Variants in LUZP2 observed in about 807,000 individuals in gnomAD.
LUZP2 encodes leucine zipper protein 2.
A neutral mutation model predicts 51.6 loss-of-function variants in LUZP2; 52 were observed. That is an observed-to-expected ratio of 1.01 (90% confidence interval 0.81 to 1.27). The LOEUF is 1.27. Ranked by LOEUF, LUZP2 falls within the 50% of genes most tolerant of loss-of-function variation. The probability of loss-of-function intolerance (pLI) is 0.00; values close to 1 mark genes in which losing one functional copy is unlikely to be tolerated. For missense variants in LUZP2, 436 were observed against 395.4 expected (o/e 1.10, Z -0.87); for synonymous variants, 154 against 137.3 (o/e 1.12, Z -0.85).
At chr11:24,928,158 T>C (rs1854335015) in intron 7 of LUZP2, among the ~76,000 whole-genome samples, 1 of 151,718 alleles carries the variant, frequency 6.6e-6, no homozygotes, top group Non-Finnish European at 1.5e-5. Flanking sequence ...TTAGGGTTTT[T>C]TATAAAATCA....
At chr11:24,840,805 A>T (rs1165765675) in intron 5 of LUZP2, among the ~76,000 whole-genome samples, 1 of 151,968 alleles carries the variant, frequency 6.6e-6, no homozygotes, top group African/African-American at 2.4e-5. Context: ...GCCTCATTTG[A>T]TGTTCTTTTA....
chr11:24,595,451 C>A (rs1853410163), intron 1 of LUZP2, among the ~76,000 whole-genome samples: 1 of 152,120 alleles, frequency 6.6e-6, no homozygotes, highest in Admixed American at 6.6e-5. Flanking sequence ...CAAATTCATT[C>A]TCTTCGGGGG....
intron 1 of LUZP2, among the ~76,000 whole-genome samples, chr11:24,549,580 C>T (rs1177927623): frequency 6.6e-6 from 1 of 151,914 alleles, no homozygotes; most frequent in Non-Finnish European, 1.5e-5. Context: ...TTTATACAAG[C>T]GGAAGCAAGT....
At chr11:24,918,648 A>T (rs1853883700) in intron 7 of LUZP2, among the ~76,000 whole-genome samples, 2 of 151,316 alleles carry the variant, frequency 1.3e-5, no homozygotes, top group South Asian at 2.1e-4. Context: ...TAAAAAAAAA[A>T]TCCTAAATAT....
intron 1 of LUZP2, among the ~76,000 whole-genome samples, chr11:24,676,309 G>T (rs966466943): frequency 3.3e-5 from 5 of 152,112 alleles, no homozygotes; most frequent in Non-Finnish European, 5.9e-5. Flanking sequence ...TGACTCCATT[G>T]ATGTAGCTTC....
In LUZP2 at chr11:24,722,342, C is replaced by A. The variant is rs1226244124; in HGVS notation, c.63-6827C>A. Among the ~76,000 whole-genome samples the A allele has an allele frequency of 2.6e-5, 4 of 152,216 alleles. No homozygotes were observed. In the East Asian group the frequency reaches 7.7e-4, roughly 29 times the overall value. On this transcript the variant is annotated intron_variant, in intron 1 of 11. Transcript: ENST00000336930. Reference sequence around the variant, plus strand: ...ACAGTTCCACTGGATGGGAAGGCCTCACAATCATTGTGTAAGGCAAGGGGG... The same window carrying A: ...ACAGTTCCACTGGATGGGAAGGCCTAACAATCATTGTGTAAGGCAAGGGGG...
chr11:24,764,342 A>G (rs572470692), intron 5 of LUZP2, among the ~76,000 whole-genome samples: 32 of 152,022 alleles, frequency 2.1e-4, no homozygotes, highest in Admixed American at 1.4e-3. Context: ...CTAGAATTCA[A>G]CTAAGGAGGA....
At chr11:24,923,492 A>G (rs1415028145) in intron 7 of LUZP2, among the ~76,000 whole-genome samples, 2 of 151,918 alleles carry the variant, frequency 1.3e-5, no homozygotes, top group African/African-American at 4.8e-5. Flanking sequence ...AGGTCAGGAG[A>G]TTGAGACCAT....
intron 1 of LUZP2, among the ~76,000 whole-genome samples, chr11:24,534,287 A>G (rs7944526): frequency 0.098 from 14,892 of 151,212 alleles, 898 homozygotes; most frequent in African/African-American, 0.16. Flanking sequence ...ATATGCATAT[A>G]TATACATACA....
At chr11:24,733,732 CTG>C (rs1491265511) in intron 3 of LUZP2, among the ~76,000 whole-genome samples, 1 of 151,060 alleles carries the variant, frequency 6.6e-6, no homozygotes, top group African/African-American at 2.4e-5. Flanking sequence ...TAATAATAAA[CTG>C]TATTTTTTAA....
At chr11:24,559,623 G>C (rs918814810) in intron 1 of LUZP2, among the ~76,000 whole-genome samples, 5 of 152,112 alleles carry the variant, frequency 3.3e-5, no homozygotes, top group African/African-American at 4.8e-5. Flanking sequence ...ATAACCTAAA[G>C]TACATAAAGT....
chr11:25,017,395 T>G (rs1857191103), intron 9 of LUZP2, among the ~76,000 whole-genome samples: 1 of 152,134 alleles, frequency 6.6e-6, no homozygotes, highest in African/African-American at 2.4e-5. Flanking sequence ...TTTTTATGGT[T>G]TTAAGTTTAA....
At chr11:24,910,949 A>G (rs1357909789) in intron 6 of LUZP2, among the ~76,000 whole-genome samples, 1 of 152,172 alleles carries the variant, frequency 6.6e-6, no homozygotes, top group African/African-American at 2.4e-5. Flanking sequence ...GCAAATCCAC[A>G]GGGTGCAGCT....
chr11:24,949,161 C>A (rs1252647707), intron 7 of LUZP2, among the ~76,000 whole-genome samples: 2 of 151,412 alleles, frequency 1.3e-5, no homozygotes, highest in African/African-American at 2.4e-5. Flanking sequence ...GCTCAGAAGG[C>A]AGGCAGGATG....
chr11:25,024,927 G>A (rs1303423048), intron 9 of LUZP2, among the ~76,000 whole-genome samples: 1 of 149,922 alleles, frequency 6.7e-6, no homozygotes, highest in Non-Finnish European at 1.5e-5. Context: ...AAAACAGCAT[G>A]GTACTGGTAC....
At position 24,618,734 on chromosome 11, in the gene LUZP2, T is replaced by A. The variant is rs1481606992; in HGVS notation, c.63-110435T>A. On this transcript the variant is annotated intron_variant, in intron 1 of 11. Transcript: ENST00000336930. ...GCTTTCCTCCCTTCACCTTTCAGAG[T>A]TTTGTGTTTGTTTTATATATAATGG... Among the ~76,000 whole-genome samples, 6 of 152,170 alleles carry A rather than the reference T, an allele frequency of 3.9e-5. 1 individual carries two copies. In the East Asian group the frequency reaches 9.7e-4, roughly 25 times the overall value.
At chr11:24,900,107 C>T (rs1236935167) in intron 5 of LUZP2, among the ~76,000 whole-genome samples, 2 of 152,024 alleles carry the variant, frequency 1.3e-5, no homozygotes, top group South Asian at 2.1e-4. Flanking sequence ...TTAATGATTT[C>T]GAATGTATAC....
intron 5 of LUZP2, among the ~76,000 whole-genome samples, chr11:24,876,419 G>A (rs188586330): frequency 0.046 from 6,894 of 148,746 alleles, 530 homozygotes; most frequent in African/African-American, 0.16. Flanking sequence ...GATATGCGGC[G>A]TTATTTCTGA....
chr11:24,845,751 C>A, intron 5 of LUZP2, among the ~76,000 whole-genome samples: 1 of 151,996 alleles, frequency 6.6e-6, no homozygotes, highest in African/African-American at 2.4e-5. Flanking sequence ...AGCTCTCTCT[C>A]TCTTTGTCTG....
Sources: gnomAD v4.1 joint callset for allele counts (sites outside exome capture counted in the v4.1 genomes callset) on GRCh38, gnomAD v4.1.1 for gene constraint, MANE v1.5 for transcripts, NCBI Gene and HGNC (gene_info 2026-07-23, HGNC 2026-07-21) for gene names.